The following TNXB variants were observed in gnomAD, a reference collection of about 807,000 sequenced individuals.
The protein encoded by TNXB is tenascin-X.
A neutral mutation model predicts 340.5 loss-of-function variants in TNXB; 183 were observed. The ratio of observed to expected loss-of-function variants is 0.54; its 90% CI spans 0.48 to 0.61. The LOEUF is 0.61. Ranked by LOEUF, TNXB falls within the 20% of genes least tolerant of loss-of-function variation. The probability of loss-of-function intolerance (pLI) is 0.00; values close to 1 mark genes in which losing one functional copy is unlikely to be tolerated. For synonymous variants in TNXB, 2,121 were observed against 2,314.5 expected (o/e 0.92, Z 2.40); for missense variants, 4,613 against 5,446.4 (o/e 0.85, Z 4.82).
chr6:32,068,495 C>G lies in TNXB; in HGVS notation c.6115G>C (p.Gly2039Arg), dbSNP rs1778539292. Residue 2039 changes from glycine to arginine, a missense_variant, in exon 17 of 44, where the codon GGG becomes CGG. Physicochemically the swap from Gly to Arg is moderately radical, Grantham distance 125. Coordinates refer to ENST00000644971, the MANE Select transcript of TNXB (RefSeq NM_001365276.2). This position sits in a 1 kb window ranked among gnomAD's most constrained non-coding sequence, Gnocchi z 5.3. ...GGCTCCAGGCCCGAGATGGTGACCC[C>G]TTCCTCGTGCCCTGGCACCCTCACT... is the stretch of plus-strand genomic sequence containing the variant. ...KAVRVPGHEE[G>R]VTISGLEPDH... The G allele has an allele frequency of 6.2e-7, 1 of 1,613,802 alleles. No homozygotes were observed. The highest frequency in any genetic ancestry group is 1.3e-5 in the African/African-American group (1 of 74,946).
intron 13 of TNXB, 143 bp downstream of exon 13, chr6:32,071,847 C>T (rs1778790635): frequency 2.8e-6 from 2 of 710,916 alleles, no homozygotes; most frequent in Non-Finnish European, 2.2e-6. Context: ...GCTGGGATTA[C>T]AGGCATGAGT....
chr6:32,056,788 G>C lies in TNXB; in HGVS notation c.7941C>G (p.Ser2647=), dbSNP rs755078106. The part of the protein sequence containing the change: ...TDATPDSLSL[S]WTVPEGQFDH... ...CAAACTGGCCCTCGGGAACCGTCCA[G>C]GACAGGCTGAGGGAGTCAGGGGTGG... Residue 2647 remains serine (S), a synonymous_variant, in exon 23 of 44, where the codon TCC becomes TCG. Transcript: ENST00000644971. 1.9e-6 allele frequency: 3 copies of C among 1,613,264 alleles called. No individual in the cohort carries two copies. The highest frequency in any genetic ancestry group is 2.5e-6 in the Non-Finnish European group (3 of 1,179,848).
rs1383005202 is a variant in TNXB at position 32,062,524 on chromosome 6, C to T, written c.6842-41G>A. On this transcript the variant is annotated intron_variant, in intron 19 of 43. Coordinates refer to ENST00000644971, the MANE Select transcript of TNXB (RefSeq NM_001365276.2). The surrounding 1 kb of genome is among the most constrained non-coding windows in gnomAD (Gnocchi z 4.3). The stretch of plus-strand genomic sequence containing the variant: ...GAATGGGTGGGCATGCCTGGTGGGC[C>T]TCCTTTTAACCAAGGGACTCTGGGA... 24 of 1,525,066 alleles carry T rather than the reference C, an allele frequency of 1.6e-5. No homozygotes were observed. Among genetic ancestry groups the T allele is most frequent in the Non-Finnish European group, 2.1e-5 (24 of 1,130,206 alleles). The allele number at this position is 1,525,066 out of a possible 1,614,324, so 94.5% of individuals were successfully genotyped here.
chr6:32,078,073 GAGAAAGAAAGAAAGAAAGAAAGAAAGAA>G (rs57498424), intron 11 of TNXB, among the ~76,000 whole-genome samples: 37 of 125,098 alleles, frequency 3.0e-4, no homozygotes, highest in Non-Finnish European at 5.2e-4. Flanking sequence ...CAGAAAGAAA[GAGAAAGAAAGAAAGAAAGAAAGAAAGAA>G]AGAAAGAAAG....
intron 1 of TNXB, among the ~76,000 whole-genome samples, chr6:32,102,762 A>G (rs945414054): frequency 6.6e-6 from 1 of 152,154 alleles, no homozygotes; most frequent in Admixed American, 6.5e-5. Flanking sequence ...TCTACTAAAA[A>G]TACAAAAATT....
intron 13 of TNXB, 87 bp downstream of exon 13, chr6:32,071,903 G>T: frequency 8.3e-7 from 1 of 1,204,612 alleles, no homozygotes; most frequent in Non-Finnish European, 1.2e-6. Flanking sequence ...CAGAGCAGGT[G>T]GACAAAGGGA....
At position 32,061,448 on chromosome 6, in the gene TNXB, C is replaced by T. The variant is rs1356060018; in HGVS notation, c.7441G>A (p.Gly2481Ser). The T allele has an allele frequency of 2.5e-6, 4 of 1,613,282 alleles. No homozygotes were observed. The highest frequency in any genetic ancestry group is 3.4e-6 in the Non-Finnish European group (4 of 1,179,808). The change falls in exon 21 of 44, where the codon GGC (glycine) becomes AGC (serine). Residue 2481 changes from glycine to serine, a missense_variant. This residue lies in a region of TNXB where 4,327 missense variants were observed against 4,859.4 expected (regional missense o/e 0.89). Coordinates refer to ENST00000644971, the MANE Select transcript of TNXB (RefSeq NM_001365276.2). The surrounding 1 kb of genome is among the most constrained non-coding windows in gnomAD (Gnocchi z 4.4). ...CCCACGCGCCGCCCCTCGTGGAGGCCATACAGGTGCATCTTGTATTTGCGC... is the reference window on the plus strand; with the variant it reads ...CCCACGCGCCGCCCCTCGTGGAGGCTATACAGGTGCATCTTGTATTTGCGC... ...PGRKYKMHLY[G>S]LHEGRRVGPV...
In TNXB at chr6:32,087,523, G is replaced by A. The variant is rs1160709368; in HGVS notation, c.2779+1262C>T. ...CACCTCTGGCTTGGGGTGGCGGGAC[G>A]CAGCCACCCGGTCGACGCCTTCAGG... On this transcript the variant is annotated intron_variant, in intron 6 of 43. Coordinates refer to ENST00000644971, the MANE Select transcript of TNXB (RefSeq NM_001365276.2). The surrounding 1 kb of genome is among the most constrained non-coding windows in gnomAD (Gnocchi z 9.0). The A allele has an allele frequency of 2.1e-6, 1 of 468,462 alleles. No individual in the cohort carries two copies. Among genetic ancestry groups the A allele is most frequent in the Non-Finnish European group, 4.2e-6 (1 of 236,144 alleles). 29.0% of individuals were successfully genotyped at this position (468,462 alleles called of 1,614,324 possible). A position where few individuals can be genotyped will look rare whatever the true frequency, so the allele number is the denominator to read the frequency against.
rs1779410329 is a variant in TNXB, at chr6:32,081,318, C to T, written c.4042+50G>A. The T allele has an allele frequency of 6.7e-7, 1 of 1,492,726 alleles. No homozygotes were observed. Among genetic ancestry groups the T allele is most frequent in the Non-Finnish European group, 9.0e-7 (1 of 1,110,354 alleles). 92.5% of individuals were successfully genotyped at this position (1,492,726 alleles called of 1,614,324 possible). On this transcript the variant is annotated intron_variant, in intron 10 of 43. Transcript: ENST00000644971. The surrounding 1 kb of genome is among the most constrained non-coding windows in gnomAD (Gnocchi z 5.1). ...TGGAAGGAGCCCCAGCCAAGTCCCG[C>T]TCACAGGATGGGGCTAGCAGGGGAG...
At chr6:32,107,083 G>T (rs1781021982) in intron 1 of TNXB, among the ~76,000 whole-genome samples, 1 of 152,212 alleles carries the variant, frequency 6.6e-6, no homozygotes, top group African/African-American at 2.4e-5. Context: ...TGGCTCCGAG[G>T]GCAGCTCTGT....
chr6:32,043,782 C>G lies in TNXB; in HGVS notation c.11497G>C (p.Glu3833Gln), dbSNP rs1776620590. 5 of 1,613,506 alleles carry G rather than the reference C, an allele frequency of 3.1e-6. No individual in the cohort carries two copies. The highest frequency in any genetic ancestry group is 4.2e-6 in the Non-Finnish European group (5 of 1,180,022). The change falls in exon 35 of 44, where the codon GAG becomes CAG. Residue 3833 changes from glutamate (E) to glutamine (Q), a missense_variant. Physicochemically the swap from Glu to Gln is conservative, Grantham distance 29 (BLOSUM62 2). Coordinates refer to ENST00000644971, the MANE Select transcript of TNXB (RefSeq NM_001365276.2). ...AGGAAGCCTGTGAGAGGCTCACTCT[C>G]CTCAAAGCCTCGGACCGAGACCACG... ...VTVVSVRGFE[E>Q]SEPLTGFLTT...
chr6:32,098,259 A>T, intron 1 of TNXB, 53 bp from the exon 2 acceptor site: 1 of 1,385,518 alleles, frequency 7.2e-7, no homozygotes, highest in Non-Finnish European at 9.6e-7. Flanking sequence ...AGACAAAATG[A>T]ATCCCCCCTT....
intron 4 of TNXB, among the ~76,000 whole-genome samples, chr6:32,091,223 G>C (rs1425531464): frequency 2.0e-5 from 3 of 151,170 alleles, no homozygotes; most frequent in Non-Finnish European, 2.9e-5. Context: ...CGATTCTCCT[G>C]CCTCAGCCTC....
At chr6:32,104,194 CTAAAT>C (rs1443434895) in intron 1 of TNXB, among the ~76,000 whole-genome samples, 1 of 152,206 alleles carries the variant, frequency 6.6e-6, no homozygotes, top group East Asian at 1.9e-4. Context: ...CAAATTTCTA[CTAAAT>C]TAATAGACCT....
In TNXB at chr6:32,084,332, G is replaced by C. The variant is rs1716855474; in HGVS notation, c.3445+81C>G. The C allele has an allele frequency of 7.3e-7, 1 of 1,376,626 alleles. No homozygotes were observed. The highest frequency in any genetic ancestry group is 1.4e-5 in the African/African-American group (1 of 69,268). The allele number at this position is 1,376,626 out of a possible 1,614,324, so 85.3% of individuals were successfully genotyped here. The stretch of plus-strand genomic sequence containing the variant: ...ACTGCCTCCAGGAAGCCTTCCCGGA[G>C]CTCCCAAAGCAGGTTCCCAAAGCAC... On this transcript the variant is annotated intron_variant, in intron 8 of 43. Transcript: ENST00000644971. The surrounding 1 kb of genome is among the most constrained non-coding windows in gnomAD (Gnocchi z 5.5).
Position 32,079,429 on chromosome 6 carries a change from C to T in TNXB, c.4043-64G>A. On this transcript the variant is annotated intron_variant, in intron 10 of 43. Coordinates refer to ENST00000644971, the MANE Select transcript of TNXB (RefSeq NM_001365276.2). This position sits in a 1 kb window ranked among gnomAD's most constrained non-coding sequence, Gnocchi z 7.1. ...TGCTGCTGCTGCCCACAGATGACAG[C>T]CATGGAAATGCCCTTACGCTGTGGG... 2.9e-6 allele frequency: 4 copies of T among 1,357,762 alleles called. No individual in the cohort carries two copies. Among genetic ancestry groups the T allele is most frequent in the Non-Finnish European group, 3.0e-6 (3 of 990,616 alleles). The allele number at this position is 1,357,762 out of a possible 1,614,324, so 84.1% of individuals were successfully genotyped here.
chr6:32,049,301 G>A lies in TNXB; in HGVS notation c.9726C>T (p.Arg3242=), dbSNP rs780350842. Residue 3242 remains arginine (R), a synonymous_variant, in exon 28 of 44, where the codon CGC becomes CGT. Coordinates refer to ENST00000644971, the MANE Select transcript of TNXB (RefSeq NM_001365276.2). This position sits in a 1 kb window ranked among gnomAD's most constrained non-coding sequence, Gnocchi z 4.5. ...TGCCCACGGTGGACACTGGGCCCAC[G>A]CGCTGCCCCTCGTGGAGGCCGTACA... ...MHLYGLHEGQ[R]VGPVSTVGIT... is the part of the protein sequence containing the mutation. 49 of 1,611,982 alleles carry A rather than the reference G, an allele frequency of 3.0e-5. 1 individual carries two copies. The highest frequency in any genetic ancestry group is 1.3e-4 in the African/African-American group (10 of 74,878).
rs770382000 is a variant in TNXB, at chr6:32,072,102, A to G, written c.4878T>C (p.Asp1626=). The change falls in exon 13 of 44, where the codon GAT becomes GAC. Residue 1626 remains aspartate, a synonymous_variant. Coordinates refer to ENST00000644971, the MANE Select transcript of TNXB (RefSeq NM_001365276.2). This position sits in a 1 kb window ranked among gnomAD's most constrained non-coding sequence, Gnocchi z 4.4. The part of the protein sequence containing the change: ...GQPQVVPVAA[D]QREVTIPDLE... The stretch of plus-strand genomic sequence containing the variant: ...GGTCAGGGATAGTGACCTCCCGCTG[A>G]TCTGCAGCCACGGGCACCACCTGGG... 6.2e-7 allele frequency: 1 copy of G among 1,613,040 alleles called. No homozygotes were observed. The highest frequency in any genetic ancestry group is 1.1e-5 in the South Asian group (1 of 90,936).
Position 32,047,786 on chromosome 6 carries a change from A to G in TNXB, c.10272T>C (p.Tyr3424=). ...CCAGTCGTTTCCTGCCTGACAGACC[A>G]TAGAGCAGGAACCTGTATTTCCTAC... ...EPSRKYRFLL[Y]GLSGRKRLGP... The change falls in exon 30 of 44, where the codon TAT becomes TAC. Residue 3424 remains tyrosine (Y), a synonymous_variant. Transcript: ENST00000644971. This position sits in a 1 kb window ranked among gnomAD's most constrained non-coding sequence, Gnocchi z 6.2. The G allele has an allele frequency of 6.2e-7, 1 of 1,608,892 alleles. No homozygotes were observed. The highest frequency in any genetic ancestry group is 8.5e-7 in the Non-Finnish European group (1 of 1,178,508).
Sources: allele counts gnomAD v4.1 joint callset (sites outside exome capture counted in the v4.1 genomes callset), GRCh38; gene constraint gnomAD v4.1.1; regional missense constraint gnomAD v4.1.1; non-coding constraint Gnocchi (gnomAD v3.1); transcripts MANE v1.5; gene names NCBI Gene and HGNC (gene_info 2026-07-23, HGNC 2026-07-21).